The following CEPT1 variants were observed in gnomAD, a reference collection of about 807,000 sequenced individuals.
The protein encoded by CEPT1 is choline/ethanolaminephosphotransferase 1.
A neutral mutation model predicts 42.6 loss-of-function variants in CEPT1; 7 were observed. The observed-to-expected ratio is 0.16, with a 90% CI of 0.09 to 0.31. The LOEUF is 0.31. CEPT1 is among the 10% of genes least tolerant of loss of function. The pLI is 1.00. For missense variants in CEPT1, 306 were observed against 502.1 expected (o/e 0.61, Z 3.73); for synonymous variants, 171 against 171.9 (o/e 0.99, Z 0.04).
intron 3 of CEPT1, 144 bp from the exon 4 acceptor site, chr1:111,161,011 T>C (rs1352725813): frequency 3.6e-6 from 3 of 823,500 alleles, no homozygotes; most frequent in African/African-American, 1.7e-5. Context: ...TGTAACAGAT[T>C]ATATCCTACT....
chr1:111,158,952 C>T (rs1253661510), intron 2 of CEPT1, among the ~76,000 whole-genome samples: 17 of 110,218 alleles, frequency 1.5e-4, no homozygotes, highest in East Asian at 2.9e-4. Flanking sequence ...CTCGCTCTGT[C>T]GCCCAGGCTG....
intron 2 of CEPT1, among the ~76,000 whole-genome samples, chr1:111,152,443 C>T (rs1655331676): frequency 6.6e-6 from 1 of 152,154 alleles, no homozygotes; most frequent in Admixed American, 6.5e-5. Context: ...CCTCTCTCCT[C>T]AAATGTAATA....
rs931710131 is a variant in CEPT1 at position 111,159,415 on chromosome 1, C to T, written c.375C>T (p.Gly125=). 1.2e-6 allele frequency: 2 copies of T among 1,612,570 alleles called. No homozygotes were observed. The highest frequency in any genetic ancestry group is 1.7e-6 in the Non-Finnish European group (2 of 1,179,534). ...GGGCATATATTGCTTGTGCCTGTGG[C>T]CTTTTCATTTACCAGTCTTTGGATG... ...PLWAYIACAC[G]LFIYQSLDAI... is the part of the protein sequence containing the mutation. The change falls in exon 3 of 9, where the codon GGC becomes GGT. Residue 125 remains glycine, a synonymous_variant. Transcript: ENST00000357172.
chr1:111,156,496 G>T (rs1425916226), intron 2 of CEPT1, among the ~76,000 whole-genome samples: 1 of 152,082 alleles, frequency 6.6e-6, no homozygotes, highest in African/African-American at 2.4e-5. Context: ...CTAATCTTTT[G>T]GCTTCCCTGA....
intron 5 of CEPT1, among the ~76,000 whole-genome samples, chr1:111,175,499 T>C (rs1656629831): frequency 2.0e-5 from 3 of 152,174 alleles, no homozygotes; most frequent in Admixed American, 2.0e-4. Flanking sequence ...CACAAACCTC[T>C]GAGGTAGGGA....
intron 1 of CEPT1, among the ~76,000 whole-genome samples, chr1:111,146,990 G>A (rs989742943): frequency 6.6e-6 from 1 of 151,820 alleles, no homozygotes; most frequent in Non-Finnish European, 1.5e-5. Context: ...ACTTGGTTTA[G>A]TTTAAACAGA....
intron 2 of CEPT1, among the ~76,000 whole-genome samples, chr1:111,151,632 A>G (rs1380253476): frequency 1.3e-5 from 2 of 152,220 alleles, no homozygotes; most frequent in Non-Finnish European, 2.9e-5. Context: ...GTGGAGACCA[A>G]AGTTCTTTTG....
In CEPT1 at chr1:111,176,511, T is replaced by TA. The variant is rs151063906; in HGVS notation, c.714+1549dup. ...TGTACATAAAGTTTCAGCATACCAATATCCAAAAAGTGGGATTTCTGGCTT... is the reference window on the plus strand; with the variant it reads ...TGTACATAAAGTTTCAGCATACCAATAATCCAAAAAGTGGGATTTCTGGCTT... On this transcript the variant is annotated intron_variant, in intron 5 of 8. Transcript: ENST00000357172. Among the ~76,000 whole-genome samples the TA allele has an allele frequency of 8.0e-3, 1,218 of 152,272 alleles. 16 individuals carry two copies. Among genetic ancestry groups the TA allele is most frequent in the African/African-American group, 0.028 (1,168 of 41,554 alleles).
At chr1:111,179,931 G>A (rs1279644798) in intron 5 of CEPT1, 2 of 152,154 alleles carry the variant, frequency 1.3e-5, no homozygotes, top group Non-Finnish European at 2.9e-5. Context: ...TATGACAAAA[G>A]TGATGAAAAC....
Position 111,182,286 on chromosome 1 carries a change from G to A in CEPT1, c.814G>A (p.Gly272Ser). The change falls in exon 6 of 9, where the codon GGT becomes AGT. Residue 272 changes from glycine to serine, a missense_variant. This residue lies in a region of CEPT1 where 253 missense variants were observed against 447.3 expected (regional missense o/e 0.57). Coordinates refer to ENST00000357172, the MANE Select transcript of CEPT1 (RefSeq NM_006090.5). ...AAATTACTTCCGTGTAATCTTCACA[G>A]GTGGTGTTGGCAAAAATGGATCAAC... ...CTNYFRVIFT[G>S]GVGKNGSTIA... The A allele has an allele frequency of 6.2e-7, 1 of 1,613,208 alleles. No homozygotes were observed. The highest frequency in any genetic ancestry group is 1.1e-5 in the South Asian group (1 of 90,948).
intron 4 of CEPT1, among the ~76,000 whole-genome samples, chr1:111,166,439 C>T (rs1350340211): frequency 6.6e-6 from 1 of 152,042 alleles, no homozygotes; most frequent in Non-Finnish European, 1.5e-5. Flanking sequence ...TATTATAATG[C>T]TGGTGTGGAA....
chr1:111,148,100 G>T (rs902917884), intron 2 of CEPT1, 47 bp downstream of exon 2: 10 of 1,426,370 alleles, frequency 7.0e-6, no homozygotes, highest in Non-Finnish European at 9.8e-6. Context: ...TACCAAAAAC[G>T]TTGTAATTGG....
intron 4 of CEPT1, chr1:111,167,389 A>G (rs1656192388): frequency 1.1e-6 from 1 of 932,378 alleles, no homozygotes. Flanking sequence ...AAATTTTTAA[A>G]AAGTGGTATT....
At chr1:111,164,858 C>T (rs1484758664) in intron 4 of CEPT1, among the ~76,000 whole-genome samples, 1 of 151,646 alleles carries the variant, frequency 6.6e-6, no homozygotes. Flanking sequence ...CTCCTGACCT[C>T]GTGATCTGCC....
chr1:111,171,219 T>C lies in CEPT1; in HGVS notation c.630-3660T>C, dbSNP rs370019824. ...TAAACAAAAATGGAAACTTTCAAAA[T>C]AGAAATTTTTCTCATAGTTAGCTAA... On this transcript the variant is annotated intron_variant, in intron 4 of 8. Transcript: ENST00000357172. Among the ~76,000 whole-genome samples, 73 of 152,330 alleles carry C rather than the reference T, an allele frequency of 4.8e-4. 2 individuals carry two copies. The East Asian group carries it at 9.2e-3, about 19-fold the overall frequency.
intron 5 of CEPT1, chr1:111,179,702 C>A (rs1656876000): frequency 6.6e-6 from 1 of 152,170 alleles, no homozygotes; most frequent in African/African-American, 2.4e-5. Context: ...TGGTAGCTCA[C>A]TTTCTTTTTC....
chr1:111,171,681 A>C (rs1571147429), intron 4 of CEPT1, among the ~76,000 whole-genome samples: 1 of 152,330 alleles, frequency 6.6e-6, no homozygotes, highest in Non-Finnish European at 1.5e-5. Context: ...AGTAACTGGG[A>C]GAATTCTTTT....
chr1:111,168,045 A>AT (rs1265031567), intron 4 of CEPT1: 22 of 155,252 alleles, frequency 1.4e-4, no homozygotes, highest in Admixed American at 6.6e-4. Flanking sequence ...CTAATTTTAA[A>AT]TTTTTTTTTT....
chr1:111,184,146 A>G (rs1657136251), intron 8 of CEPT1, 45 bp from the exon 9 acceptor site: 1 of 1,604,898 alleles, frequency 6.2e-7, no homozygotes, highest in Non-Finnish European at 8.5e-7. Flanking sequence ...CAGGAAGCTT[A>G]GGGAGAGCCT....
Sources: gnomAD v4.1 joint callset for allele counts (sites outside exome capture counted in the v4.1 genomes callset) on GRCh38, gnomAD v4.1.1 for gene constraint, gnomAD v4.1.1 regional missense constraint, MANE v1.5 for transcripts, NCBI Gene and HGNC (gene_info 2026-07-23, HGNC 2026-07-21) for gene names.